The following RANBP2 variants were observed in gnomAD, a reference collection of about 807,000 sequenced individuals.
RANBP2 encodes RAN binding protein 2.
Under a neutral mutation model 303.6 loss-of-function variants are expected in RANBP2, and 57 were observed. That is an observed-to-expected ratio of 0.19 (90% CI 0.15 to 0.23). RANBP2 has a LOEUF of 0.23. Ranked by LOEUF, RANBP2 falls within the 10% of genes least tolerant of loss-of-function variation. RANBP2 has a pLI of 1.00. For synonymous variants in RANBP2, 1,167 were observed against 1,301.5 expected, an observed-to-expected ratio of 0.90 and a Z score of 2.23; for missense variants, 3,138 against 3,780.8, an observed-to-expected ratio of 0.83 and a Z score of 4.46.
At chr2:108,985,209 TAAC>T in the RANBP2 span, among the ~76,000 whole-genome samples, 1,492 of 152,348 alleles carry the variant, frequency 9.8e-3, 19 homozygotes, top group Middle Eastern at 0.02. Context: ...TGGTATCAGT[TAAC>T]AACATCAGCC....
the RANBP2 span, chr2:108,812,666 C>T: frequency 6.2e-7 from 1 of 1,612,922 alleles, no homozygotes; most frequent in South Asian, 1.1e-5. Context: ...GGAAGATAGA[C>T]ATTCAGGCTA....
chr2:109,504,030 G>T, the RANBP2 span: 1 of 152,234 alleles, frequency 6.6e-6, no homozygotes, highest in South Asian at 2.1e-4. Context: ...ATGCCGGGCT[G>T]CCTGAGAGCA....
chr2:109,720,925 C>A, the RANBP2 span, among the ~76,000 whole-genome samples: 1 of 152,128 alleles, frequency 6.6e-6, no homozygotes, highest in Non-Finnish European at 1.5e-5. Flanking sequence ...GATGTGGGCA[C>A]CTTTCTAGCT....
the RANBP2 span, among the ~76,000 whole-genome samples, chr2:109,227,781 C>A: frequency 6.6e-6 from 1 of 152,208 alleles, no homozygotes; most frequent in Non-Finnish European, 1.5e-5. Context: ...TAGGTCACCC[C>A]CCAGCCAACT....
At chr2:109,618,665 T>C in the RANBP2 span, 2 of 166,962 alleles carry the variant, frequency 1.2e-5, no homozygotes, top group Non-Finnish European at 2.9e-5. Flanking sequence ...TTGATATTCA[T>C]AGAGTTGTGC....
the RANBP2 span, among the ~76,000 whole-genome samples, chr2:108,793,017 CTG>C: frequency 0.012 from 1,887 of 151,326 alleles, 50 homozygotes; most frequent in African/African-American, 0.044. Flanking sequence ...TGAGCTGAGA[CTG>C]TGCCACTGCA....
At chr2:108,869,060 T>C in the RANBP2 span, among the ~76,000 whole-genome samples, 1 of 152,194 alleles carries the variant, frequency 6.6e-6, no homozygotes, top group Non-Finnish European at 1.5e-5. Flanking sequence ...AATTTTTTTT[T>C]CATAATATTG....
At chr2:109,023,809 AAAAC>A in the RANBP2 span, among the ~76,000 whole-genome samples, 1 of 152,176 alleles carries the variant, frequency 6.6e-6, no homozygotes, top group African/African-American at 2.4e-5. Context: ...ACCCTATCTC[AAAAC>A]AAACAAACAA....
At chr2:109,544,267 T>G in the RANBP2 span, 2 of 1,612,888 alleles carry the variant, frequency 1.2e-6, no homozygotes, top group Non-Finnish European at 1.7e-6. Flanking sequence ...TTTAATAAAG[T>G]TTGCTTGTGA....
the RANBP2 span, among the ~76,000 whole-genome samples, chr2:109,603,304 G>A: frequency 1.9e-4 from 29 of 151,326 alleles, no homozygotes; most frequent in Non-Finnish European, 4.1e-4. Flanking sequence ...GCGCAATCTC[G>A]GCTCACTGCA....
chr2:108,736,525 A>C (rs1013546283), intron 6 of RANBP2, among the ~76,000 whole-genome samples: 3 of 152,190 alleles, frequency 2.0e-5, no homozygotes, highest in African/African-American at 7.2e-5. Context: ...GTCATAGTCA[A>C]GCCTAAAATG....
chr2:109,704,579 G>A, the RANBP2 span, among the ~76,000 whole-genome samples: 386 of 152,040 alleles, frequency 2.5e-3, no homozygotes, highest in Admixed American at 4.4e-3. Context: ...GCCAGGCGTG[G>A]TGGCTCAGGC....
the RANBP2 span, chr2:108,907,774 G>C: frequency 1.3e-6 from 2 of 1,506,126 alleles, no homozygotes; most frequent in African/African-American, 2.7e-5. Context: ...TCTTGCAGGA[G>C]AGCTGATTCA....
the RANBP2 span, among the ~76,000 whole-genome samples, chr2:108,850,672 C>T: frequency 2.6e-3 from 397 of 152,120 alleles, 3 homozygotes; most frequent in African/African-American, 9.0e-3. Flanking sequence ...AGGCTGGTCT[C>T]GAACTCCTGA....
chr2:109,267,391 G>A, the RANBP2 span, among the ~76,000 whole-genome samples: 1,953 of 152,316 alleles, frequency 0.013, 11 homozygotes, highest in Middle Eastern at 0.027. Context: ...TACAAGTGCT[G>A]AGCTTGCCCG....
At chr2:109,247,473 G>A in the RANBP2 span, among the ~76,000 whole-genome samples, 1 of 152,238 alleles carries the variant, frequency 6.6e-6, no homozygotes, top group Non-Finnish European at 1.5e-5. Flanking sequence ...CTTCCTGGAA[G>A]TTTTTGTGCA....
chr2:109,699,829 G>A, the RANBP2 span, among the ~76,000 whole-genome samples: 43 of 152,176 alleles, frequency 2.8e-4, no homozygotes. Flanking sequence ...GACCAGCGGA[G>A]GGGAGGGCTC....
At chr2:109,148,804 A>G in the RANBP2 span, among the ~76,000 whole-genome samples, 1 of 151,886 alleles carries the variant, frequency 6.6e-6, no homozygotes, top group African/African-American at 2.4e-5. Context: ...TTTTATTTTT[A>G]GGTCTCAAAA....
chr2:109,568,448 T>C, the RANBP2 span, among the ~76,000 whole-genome samples: 2 of 149,542 alleles, frequency 1.3e-5, no homozygotes, highest in East Asian at 2.0e-4. Context: ...CTCAACTCAC[T>C]GCAACCACTG....
Sources: allele counts gnomAD v4.1 joint callset (sites outside exome capture counted in the v4.1 genomes callset), GRCh38; gene constraint gnomAD v4.1.1; transcripts MANE v1.5; gene names NCBI Gene and HGNC (gene_info 2026-07-23, HGNC 2026-07-21).